Variants in MICAL3 observed in about 807,000 individuals in gnomAD.
MICAL3 encodes [F-actin]-monooxygenase MICAL3.
Under a neutral mutation model 207.4 loss-of-function variants are expected in MICAL3, and 62 were observed. That is an observed-to-expected ratio of 0.30 (90% CI 0.24 to 0.37). The LOEUF is 0.37. Ranked by LOEUF, MICAL3 falls within the 10% of genes least tolerant of loss-of-function variation. MICAL3 has a pLI of 1.00. For missense variants in MICAL3, 2,368 were observed against 2,635.6 expected, an observed-to-expected ratio of 0.90 and a Z score of 2.22; for synonymous variants, 1,077 against 1,069.3, an observed-to-expected ratio of 1.01 and a Z score of -0.14.
intron 16 of MICAL3, chr22:17,876,807 G>C (rs1198810714): frequency 1.9e-5 from 2 of 107,612 alleles, no homozygotes; most frequent in Admixed American, 1.8e-4. Context: ...AGTTATGGAG[G>C]TTAGGGAGGT....
chr22:17,917,731 G>A (rs1214131396), intron 1 of MICAL3, among the ~76,000 whole-genome samples: 1 of 152,206 alleles, frequency 6.6e-6, no homozygotes, highest in Non-Finnish European at 1.5e-5. Context: ...GGGCGGGGCT[G>A]CCCTGGCCAG....
chr22:17,857,305 C>T (rs1298651347), intron 19 of MICAL3, among the ~76,000 whole-genome samples: 1 of 152,168 alleles, frequency 6.6e-6, no homozygotes, highest in Admixed American at 6.5e-5. Flanking sequence ...CTCCCAGGAG[C>T]GGGAACCTAT....
chr22:17,967,486 A>ACACACACACACACACC (rs147100307), intron 1 of MICAL3, among the ~76,000 whole-genome samples: 12 of 145,708 alleles, frequency 8.2e-5, no homozygotes, highest in East Asian at 3.9e-4. Flanking sequence ...ACACACACAC[A>ACACACACACACACACC]CACACACCCA....
chr22:17,904,585 G>C, intron 3 of MICAL3, 47 bp downstream of exon 3: 1 of 1,405,638 alleles, frequency 7.1e-7, no homozygotes, highest in East Asian at 2.3e-5. Flanking sequence ...CTGAACAAGC[G>C]TGCAAGGGGT....
intron 1 of MICAL3, among the ~76,000 whole-genome samples, chr22:17,934,040 A>T (rs1933398443): frequency 6.6e-6 from 1 of 152,246 alleles, no homozygotes; most frequent in Admixed American, 6.5e-5. Flanking sequence ...ATTCTACCAG[A>T]GGTACAAAGA....
intron 1 of MICAL3, among the ~76,000 whole-genome samples, chr22:18,011,049 G>A (rs1349317039): frequency 6.6e-6 from 1 of 152,180 alleles, no homozygotes; most frequent in Non-Finnish European, 1.5e-5. Flanking sequence ...GGCAGCCTCA[G>A]CGATCACAGG....
chr22:17,811,104 C>T, intron 27 of MICAL3: 1 of 331,288 alleles, frequency 3.0e-6, no homozygotes, highest in Admixed American at 4.3e-5. Flanking sequence ...GGACAGGAGG[C>T]TGAGTGGGGA....
chr22:17,910,008 A>G (rs910260754), intron 1 of MICAL3, among the ~76,000 whole-genome samples: 6 of 152,210 alleles, frequency 3.9e-5, no homozygotes, highest in African/African-American at 1.4e-4. Flanking sequence ...CCAGAGTCAC[A>G]GTGTTTGGTA....
chr22:18,020,766 T>C (rs1219106075), intron 1 of MICAL3, among the ~76,000 whole-genome samples: 1 of 151,252 alleles, frequency 6.6e-6, no homozygotes, highest in Non-Finnish European at 1.5e-5. Flanking sequence ...ATACAAAAAT[T>C]AGCCGGGTAT....
intron 7 of MICAL3, among the ~76,000 whole-genome samples, chr22:17,897,366 T>G (rs1930934587): frequency 7.6e-6 from 1 of 131,546 alleles, no homozygotes; most frequent in Non-Finnish European, 1.5e-5. Context: ...GAGGTTGCAG[T>G]GAGCTGAGAC....
intron 15 of MICAL3, 143 bp downstream of exon 15, chr22:17,887,027 A>C (rs576350193): frequency 4.2e-6 from 2 of 475,628 alleles, no homozygotes; most frequent in Admixed American, 4.0e-5. Context: ...GAAAATAAAA[A>C]AAAGAAAAGA....
At position 17,895,281 on chromosome 22, in the gene MICAL3, T is replaced by C; in HGVS notation, c.1449+3A>G. ...GATGTAAATACTGACAAGAAGGTCT[T>C]ACCTGGCTTGGCCGGAGGAAGTTGA... On this transcript the variant is annotated splice_donor_region_variant and intron_variant, in intron 10 of 31. Transcript: ENST00000441493. 6.2e-7 allele frequency: 1 copy of C among 1,613,396 alleles called. No homozygotes were observed. The highest frequency in any genetic ancestry group is 2.2e-5 in the East Asian group (1 of 44,872).
chr22:17,996,561 A>T (rs1027699269), intron 1 of MICAL3, among the ~76,000 whole-genome samples: 7 of 152,140 alleles, frequency 4.6e-5, no homozygotes, highest in Admixed American at 1.3e-4. Flanking sequence ...CCTCCAAGAA[A>T]ACAGCAAGTC....
At chr22:17,901,038 A>G in intron 5 of MICAL3, 41 bp from the exon 6 acceptor site, 1 of 1,597,104 alleles carries the variant, frequency 6.3e-7, no homozygotes, top group Non-Finnish European at 8.6e-7. Flanking sequence ...ATCATTGGCT[A>G]GAGAAGGAAG....
intron 1 of MICAL3, among the ~76,000 whole-genome samples, chr22:18,023,843 C>T (rs1174288431): frequency 2.0e-5 from 3 of 152,396 alleles, no homozygotes; most frequent in African/African-American, 7.2e-5. Context: ...CTCATGGGTT[C>T]ACCGCGCTGA....
chr22:17,958,133 AC>A (rs11342606), intron 1 of MICAL3, among the ~76,000 whole-genome samples: 36,560 of 152,086 alleles, frequency 0.24, 4,974 homozygotes, highest in East Asian at 0.52. Context: ...AATAACGTGG[AC>A]CCCATTACAA....
intron 20 of MICAL3, among the ~76,000 whole-genome samples, chr22:17,834,114 G>A (rs1033842199): frequency 1.3e-5 from 2 of 152,196 alleles, no homozygotes; most frequent in Non-Finnish European, 2.9e-5. Context: ...CTTGTGGGCT[G>A]TATTCCCTCT....
intron 1 of MICAL3, among the ~76,000 whole-genome samples, chr22:17,965,570 C>T (rs1935109651): frequency 6.6e-6 from 1 of 152,182 alleles, no homozygotes; most frequent in Non-Finnish European, 1.5e-5. Flanking sequence ...CTGATTGTCA[C>T]TGTGAGTTAA....
At chr22:17,830,577 T>A (rs946319595) in intron 21 of MICAL3, among the ~76,000 whole-genome samples, 5 of 152,206 alleles carry the variant, frequency 3.3e-5, no homozygotes, top group Admixed American at 3.3e-4. Flanking sequence ...GGACCAGCTG[T>A]GCATGCTCAC....
Sources: gnomAD v4.1 joint callset for allele counts (sites outside exome capture counted in the v4.1 genomes callset) on GRCh38, gnomAD v4.1.1 for gene constraint, MANE v1.5 for transcripts, NCBI Gene and HGNC (gene_info 2026-07-23, HGNC 2026-07-21) for gene names.